The following PRKG1 variants were observed in gnomAD, a reference collection of about 807,000 sequenced individuals.
The protein encoded by PRKG1 is cGMP-dependent protein kinase 1.
Under a neutral mutation model 88.1 loss-of-function variants are expected in PRKG1, and 35 were observed. The ratio of observed to expected loss-of-function variants is 0.40; its 90% CI spans 0.30 to 0.53. The LOEUF is 0.53. Among genes scored for constraint, PRKG1 ranks in the 20% least tolerant of loss-of-function variants. The probability of loss-of-function intolerance (pLI) is 0.59; values close to 1 mark genes in which losing one functional copy is unlikely to be tolerated. For synonymous variants in PRKG1, 303 were observed against 292.5 expected (o/e 1.04, Z -0.37); for missense variants, 540 against 839.8 (o/e 0.64, Z 4.41).
At chr10:51,265,115 T>A (rs1166954145) in intron 2 of PRKG1, among the ~76,000 whole-genome samples, 1 of 152,110 alleles carries the variant, frequency 6.6e-6, no homozygotes, top group Non-Finnish European at 1.5e-5. Flanking sequence ...AAAAAGAAAT[T>A]CAAACATGTT....
At chr10:52,244,986 A>T (rs534665747) in intron 9 of PRKG1, among the ~76,000 whole-genome samples, 64 of 146,750 alleles carry the variant, frequency 4.4e-4, no homozygotes, top group Middle Eastern at 3.6e-3. Flanking sequence ...TTAAAAATAT[A>T]AAAAAATAAA....
intron 2 of PRKG1, among the ~76,000 whole-genome samples, chr10:51,294,620 A>G (rs1840670520): frequency 6.6e-6 from 1 of 152,182 alleles, no homozygotes; most frequent in Non-Finnish European, 1.5e-5. Flanking sequence ...GAATACCACA[A>G]TTACTTTTGC....
intron 12 of PRKG1, among the ~76,000 whole-genome samples, chr10:52,278,902 CAAA>C (rs57491396): frequency 8.1e-5 from 7 of 86,646 alleles, no homozygotes; most frequent in Admixed American, 1.2e-4. Context: ...GACTCCATCT[CAAA>C]AAAAAAAAAA....
intron 7 of PRKG1, among the ~76,000 whole-genome samples, chr10:52,080,943 C>T (rs375630397): frequency 1.4e-3 from 215 of 152,208 alleles, no homozygotes; most frequent in African/African-American, 5.0e-3. Context: ...TTCTGCAGGG[C>T]TATTTACTCT....
intron 3 of PRKG1, among the ~76,000 whole-genome samples, chr10:51,474,343 T>C (rs777880122): frequency 5.9e-5 from 9 of 152,162 alleles, no homozygotes; most frequent in Non-Finnish European, 1.3e-4. Context: ...ACTACTTCTA[T>C]TGGTCTGAGG....
intron 3 of PRKG1, among the ~76,000 whole-genome samples, chr10:51,627,922 CT>C (rs1839384429): frequency 2.8e-5 from 1 of 35,952 alleles, no homozygotes; most frequent in African/African-American, 6.2e-5. Context: ...CCTTCCTTCC[CT>C]TCCTTTCTTC....
chr10:51,788,280 C>T (rs900024409), intron 3 of PRKG1, among the ~76,000 whole-genome samples: 1 of 152,146 alleles, frequency 6.6e-6, no homozygotes, highest in Non-Finnish European at 1.5e-5. Context: ...TCAATTACAG[C>T]TTATTTTTCT....
At chr10:51,698,428 GCCA>G in intron 3 of PRKG1, 1 of 1,613,880 alleles carries the variant, frequency 6.2e-7, no homozygotes, top group Non-Finnish European at 8.5e-7. Context: ...GTGAGGAAGG[GCCA>G]CGAGTGTCAT....
chr10:51,192,577 C>A (rs1332679818), intron 2 of PRKG1, among the ~76,000 whole-genome samples: 2 of 151,500 alleles, frequency 1.3e-5, no homozygotes, highest in Non-Finnish European at 2.9e-5. Flanking sequence ...GGAAAGTGAG[C>A]CTGAAGAGGA....
intron 1 of PRKG1, among the ~76,000 whole-genome samples, chr10:51,137,566 C>T (rs1206539964): frequency 6.6e-6 from 1 of 152,078 alleles, no homozygotes; most frequent in African/African-American, 2.4e-5. Flanking sequence ...CTGTAGAAAC[C>T]TCACTGATAC....
At chr10:52,292,099 G>A (rs1279562625) in intron 17 of PRKG1, among the ~76,000 whole-genome samples, 1 of 152,130 alleles carries the variant, frequency 6.6e-6, no homozygotes, top group Non-Finnish European at 1.5e-5. Context: ...CCCACTTTTT[G>A]ATGGGGTTGT....
At chr10:51,059,777 T>A (rs978590047) in intron 1 of PRKG1, among the ~76,000 whole-genome samples, 4 of 152,184 alleles carry the variant, frequency 2.6e-5, no homozygotes, top group Non-Finnish European at 4.4e-5. Context: ...TAGAAAATTA[T>A]GTGTTTTGCA....
At chr10:52,278,693 C>T (rs1841930218) in intron 12 of PRKG1, among the ~76,000 whole-genome samples, 1 of 151,826 alleles carries the variant, frequency 6.6e-6, no homozygotes, top group Non-Finnish European at 1.5e-5. Flanking sequence ...TTTGGGAGGC[C>T]AAGGCAGGTG....
At chr10:51,475,635 T>C (rs999996363) in intron 3 of PRKG1, among the ~76,000 whole-genome samples, 2 of 152,066 alleles carry the variant, frequency 1.3e-5, no homozygotes, top group African/African-American at 4.8e-5. Context: ...TGCATTTTTC[T>C]TTTAAGGAGT....
chr10:51,233,262 C>T (rs755840200), intron 2 of PRKG1, among the ~76,000 whole-genome samples: 5 of 152,118 alleles, frequency 3.3e-5, no homozygotes, highest in Non-Finnish European at 4.4e-5. Flanking sequence ...ATCTGTTTAC[C>T]TAAGCTACTT....
chr10:52,029,121 T>A (rs10762539), intron 5 of PRKG1, among the ~76,000 whole-genome samples: 3 of 152,054 alleles, frequency 2.0e-5, no homozygotes, highest in Admixed American at 6.5e-5. Flanking sequence ...CGGGCTGGAC[T>A]TTCCTATTCT....
At chr10:52,028,464 C>T (rs1589534128) in intron 5 of PRKG1, among the ~76,000 whole-genome samples, 1 of 152,176 alleles carries the variant, frequency 6.6e-6, no homozygotes, top group Non-Finnish European at 1.5e-5. Context: ...TGGAGATATA[C>T]TATTTCTGTA....
At chr10:51,079,637 C>T (rs917167231) in intron 1 of PRKG1, among the ~76,000 whole-genome samples, 9 of 151,670 alleles carry the variant, frequency 5.9e-5, no homozygotes, top group East Asian at 3.9e-4. Flanking sequence ...ATAAAGTAGG[C>T]GAGAGGGCAT....
chr10:51,275,840 A>G (rs1840101649), intron 2 of PRKG1, among the ~76,000 whole-genome samples: 1 of 152,202 alleles, frequency 6.6e-6, no homozygotes, highest in Admixed American at 6.5e-5. Flanking sequence ...TCTTGTTGCT[A>G]AAGAAAAGGC....
Sources: gnomAD v4.1 joint callset for allele counts (sites outside exome capture counted in the v4.1 genomes callset) on GRCh38, gnomAD v4.1.1 for gene constraint, MANE v1.5 for transcripts, NCBI Gene and HGNC (gene_info 2026-07-23, HGNC 2026-07-21) for gene names.